The following KCNIP4 variants were observed in gnomAD, a reference collection of about 807,000 sequenced individuals.
The protein encoded by KCNIP4 is Kv channel-interacting protein 4.
KCNIP4 carries 12 observed loss-of-function variants against 34.0 expected under a neutral mutation model. The ratio of observed to expected loss-of-function variants is 0.35; its 90% CI spans 0.23 to 0.57. KCNIP4 has a LOEUF of 0.57. Among genes scored for constraint, KCNIP4 ranks in the 20% least tolerant of loss-of-function variants. The pLI, the probability that KCNIP4 is intolerant of heterozygous loss-of-function variation, is 0.83. For synonymous variants in KCNIP4, 124 were observed against 102.2 expected (o/e 1.21, Z -1.29); for missense variants, 238 against 311.7 (o/e 0.76, Z 1.78).
chr4:20,880,118 A>G (rs1240068912), intron 2 of KCNIP4, among the ~76,000 whole-genome samples: 1 of 152,212 alleles, frequency 6.6e-6, no homozygotes, highest in Non-Finnish European at 1.5e-5. Context: ...AATAATAAAA[A>G]TTTGGTATTG....
intron 3 of KCNIP4, among the ~76,000 whole-genome samples, chr4:20,796,114 G>A (rs1474281858): frequency 6.6e-6 from 1 of 152,182 alleles, no homozygotes. Context: ...CTAGGAAAAT[G>A]TGTCGGATGT....
intron 1 of KCNIP4, among the ~76,000 whole-genome samples, chr4:21,755,640 G>T (rs1039995955): frequency 6.6e-6 from 1 of 152,044 alleles, no homozygotes; most frequent in Non-Finnish European, 1.5e-5. Flanking sequence ...CATTTATTTA[G>T]ACATAACTAA....
intron 3 of KCNIP4, among the ~76,000 whole-genome samples, chr4:20,816,144 T>C (rs967907315): frequency 2.0e-5 from 3 of 151,722 alleles, no homozygotes; most frequent in Non-Finnish European, 2.9e-5. Flanking sequence ...TCCCAGCTAC[T>C]TGGGGAGGCT....
chr4:21,357,063 G>A (rs1578122858), intron 1 of KCNIP4, among the ~76,000 whole-genome samples: 1 of 152,250 alleles, frequency 6.6e-6, no homozygotes, highest in Admixed American at 6.5e-5. Flanking sequence ...GTATAAATGG[G>A]TAAAGGATTC....
intron 1 of KCNIP4, among the ~76,000 whole-genome samples, chr4:21,466,639 A>G (rs1027268423): frequency 1.3e-5 from 2 of 152,188 alleles, no homozygotes; most frequent in Non-Finnish European, 2.9e-5. Flanking sequence ...AATCATGCTC[A>G]GTAGAATTTT....
At chr4:21,436,043 T>C (rs1726917621) in intron 1 of KCNIP4, among the ~76,000 whole-genome samples, 1 of 152,174 alleles carries the variant, frequency 6.6e-6, no homozygotes, top group Non-Finnish European at 1.5e-5. Flanking sequence ...GGATGCCTTA[T>C]TTCCAGAACA....
intron 1 of KCNIP4, among the ~76,000 whole-genome samples, chr4:21,587,995 T>C (rs1453047894): frequency 6.6e-6 from 1 of 152,022 alleles, no homozygotes; most frequent in African/African-American, 2.4e-5. Context: ...TTCCCTTTCT[T>C]TGGTATTGTC....
intron 1 of KCNIP4, among the ~76,000 whole-genome samples, chr4:21,285,179 A>G (rs2109184491): frequency 6.6e-6 from 1 of 152,326 alleles, no homozygotes; most frequent in African/African-American, 2.4e-5. Context: ...ATTTTAATGA[A>G]CTGATACAAA....
intron 3 of KCNIP4, among the ~76,000 whole-genome samples, chr4:20,826,313 G>A (rs908993019): frequency 2.0e-5 from 3 of 152,114 alleles, no homozygotes; most frequent in African/African-American, 4.8e-5. Context: ...TGTGGCTCAC[G>A]TCTGTAGTCC....
chr4:21,252,180 T>C (rs1055006720), intron 1 of KCNIP4, among the ~76,000 whole-genome samples: 1 of 146,750 alleles, frequency 6.8e-6, no homozygotes, highest in Admixed American at 7.0e-5. Context: ...CAGGCTGGAG[T>C]GCAGTGGCGC....
Position 21,523,897 on chromosome 4 carries a change from A to G in KCNIP4, c.61+424674T>C, listed in dbSNP as rs577934751. ...CTTTTTTGCTTTTTGACACCTTTAC[A>G]TGGAGGCTTTGAAGTACTCTTTTAA... On this transcript the variant is annotated intron_variant, in intron 1 of 8. Transcript: ENST00000382152. Among the ~76,000 whole-genome samples, 17 of 152,110 alleles carry G rather than the reference A, an allele frequency of 1.1e-4. No homozygotes were observed. The South Asian group carries it at 2.7e-3, about 24-fold the overall frequency.
At chr4:21,345,855 C>A (rs1271546472) in intron 1 of KCNIP4, among the ~76,000 whole-genome samples, 2 of 151,470 alleles carry the variant, frequency 1.3e-5, no homozygotes, top group Non-Finnish European at 2.9e-5. Context: ...GAATTAAAGC[C>A]CATTACGCTC....
intron 1 of KCNIP4, among the ~76,000 whole-genome samples, chr4:21,395,194 T>G (rs2109529358): frequency 6.6e-6 from 1 of 152,222 alleles, no homozygotes; most frequent in East Asian, 1.9e-4. Flanking sequence ...TTGTGAGAAA[T>G]AAGGCTTCCA....
intron 1 of KCNIP4, among the ~76,000 whole-genome samples, chr4:21,814,407 A>G (rs1241691785): frequency 6.6e-6 from 1 of 152,122 alleles, no homozygotes; most frequent in Non-Finnish European, 1.5e-5. Flanking sequence ...TTCTTGTGAC[A>G]GTGAATAAGT....
chr4:21,894,820 T>C (rs920753864), intron 1 of KCNIP4, among the ~76,000 whole-genome samples: 1 of 152,204 alleles, frequency 6.6e-6, no homozygotes, highest in East Asian at 1.9e-4. Flanking sequence ...ATAAAATCCT[T>C]CTACTACTTA....
intron 1 of KCNIP4, chr4:21,848,697 G>A (rs1724175952): frequency 6.6e-6 from 1 of 152,028 alleles, no homozygotes; most frequent in Admixed American, 6.6e-5. Context: ...CATCACCGCA[G>A]GTAAACATTA....
At chr4:21,769,149 T>C (rs1718613578) in intron 1 of KCNIP4, among the ~76,000 whole-genome samples, 1 of 150,498 alleles carries the variant, frequency 6.6e-6, no homozygotes, top group Non-Finnish European at 1.5e-5. Flanking sequence ...CTCTCCACAC[T>C]GTCATCAACT....
At chr4:21,760,888 C>T (rs189562778) in intron 1 of KCNIP4, among the ~76,000 whole-genome samples, 3 of 152,216 alleles carry the variant, frequency 2.0e-5, no homozygotes, top group African/African-American at 7.2e-5. Context: ...TCTTAATAAG[C>T]TAAGTGTATT....
intron 1 of KCNIP4, among the ~76,000 whole-genome samples, chr4:21,567,138 C>T (rs992433495): frequency 3.3e-5 from 5 of 152,002 alleles, no homozygotes; most frequent in African/African-American, 7.3e-5. Context: ...TAGTTAATTC[C>T]CTGCCCGGTA....
Sources: gnomAD v4.1 joint callset for allele counts (sites outside exome capture counted in the v4.1 genomes callset) on GRCh38, gnomAD v4.1.1 for gene constraint, MANE v1.5 for transcripts, NCBI Gene and HGNC (gene_info 2026-07-23, HGNC 2026-07-21) for gene names.